The following HECW2 variants were observed in gnomAD, a reference collection of about 807,000 sequenced individuals.
The protein encoded by HECW2 is E3 ubiquitin-protein ligase HECW2.
In HECW2, 61 loss-of-function variants were observed where a neutral mutation model predicts 175.2. That is an observed-to-expected ratio of 0.35 (90% CI 0.28 to 0.43). The LOEUF is 0.43. HECW2 is among the 20% of genes least tolerant of loss of function. The probability of loss-of-function intolerance (pLI) is 1.00; values close to 1 mark genes in which losing one functional copy is unlikely to be tolerated. For missense variants in HECW2, 1,524 were observed against 2,000.5 expected, an observed-to-expected ratio of 0.76 and a Z score of 4.54; for synonymous variants, 671 against 731.0, an observed-to-expected ratio of 0.92 and a Z score of 1.32.
chr2:196,255,933 C>T (rs943577079), intron 18 of HECW2, among the ~76,000 whole-genome samples: 4 of 152,106 alleles, frequency 2.6e-5, no homozygotes, highest in Middle Eastern at 6.8e-3. Context: ...ATTAGCCGGG[C>T]GTGGTGGCTT....
chr2:196,433,821 ATT>A (rs113951876), intron 1 of HECW2, among the ~76,000 whole-genome samples: 1 of 152,262 alleles, frequency 6.6e-6, no homozygotes, highest in African/African-American at 2.4e-5. Flanking sequence ...CCACACACAT[ATT>A]TATTTGCTGC....
At chr2:196,372,145 G>A (rs1003670611) in intron 2 of HECW2, among the ~76,000 whole-genome samples, 1 of 152,104 alleles carries the variant, frequency 6.6e-6, no homozygotes, top group Non-Finnish European at 1.5e-5. Flanking sequence ...TCAAAAAGCA[G>A]GTCCTTTAAC....
chr2:196,456,577 T>C (rs1696522635), intron 1 of HECW2, among the ~76,000 whole-genome samples: 1 of 152,208 alleles, frequency 6.6e-6, no homozygotes, highest in African/African-American at 2.4e-5. Flanking sequence ...TGGTCACAGA[T>C]TGATTACTTG....
intron 13 of HECW2, among the ~76,000 whole-genome samples, chr2:196,295,383 T>C (rs1690771219): frequency 6.6e-6 from 1 of 152,190 alleles, no homozygotes; most frequent in Non-Finnish European, 1.5e-5. Flanking sequence ...GGCAACTGTT[T>C]TCTGCATTTG....
At chr2:196,512,122 G>C (rs1000061066) in intron 1 of HECW2, among the ~76,000 whole-genome samples, 53 of 152,174 alleles carry the variant, frequency 3.5e-4, no homozygotes, top group African/African-American at 1.1e-3. Context: ...AAAGACCTGT[G>C]GAGACCTGGA....
intron 2 of HECW2, among the ~76,000 whole-genome samples, chr2:196,412,365 A>G (rs1695137890): frequency 6.6e-6 from 1 of 152,184 alleles, no homozygotes; most frequent in Admixed American, 6.5e-5. Context: ...CACCCTAATG[A>G]CATCATTTAA....
intron 1 of HECW2, among the ~76,000 whole-genome samples, chr2:196,524,760 G>A (rs1169337101): frequency 8.2e-6 from 1 of 121,740 alleles, no homozygotes; most frequent in Non-Finnish European, 1.6e-5. Flanking sequence ...GGAGCAGGTT[G>A]TTCAGTTTCC....
At position 196,277,676 on chromosome 2, in the gene HECW2, C is replaced by T. The variant is rs986102682; in HGVS notation, c.3135+852G>A. Among the ~76,000 whole-genome samples the T allele has an allele frequency of 3.9e-5, 6 of 152,204 alleles. No homozygotes were observed. In the South Asian group the frequency reaches 8.3e-4, roughly 21 times the overall value. On this transcript the variant is annotated intron_variant, in intron 15 of 28. Coordinates refer to ENST00000644978, the MANE Select transcript of HECW2 (RefSeq NM_001348768.2). The stretch of plus-strand genomic sequence containing the variant: ...ATGCTGCTATAAAGACACATGCACA[C>T]GTATGTTTACTGTGGCACTACTCAC...
intron 1 of HECW2, among the ~76,000 whole-genome samples, chr2:196,515,812 C>T (rs1162448834): frequency 6.6e-6 from 1 of 152,086 alleles, no homozygotes; most frequent in African/African-American, 2.4e-5. Context: ...ACTGGTTTTG[C>T]TACTATGAGT....
intron 21 of HECW2, 53 bp downstream of exon 21, chr2:196,240,395 TC>T: frequency 7.7e-7 from 1 of 1,291,004 alleles, no homozygotes; most frequent in East Asian, 2.4e-5. Flanking sequence ...TGGAGAAACA[TC>T]CGCCTTGTGG....
chr2:196,215,284 T>G (rs944172660), intron 28 of HECW2, among the ~76,000 whole-genome samples: 1 of 152,248 alleles, frequency 6.6e-6, no homozygotes, highest in Non-Finnish European at 1.5e-5. Context: ...CATATGTGCA[T>G]GAACACCCAA....
chr2:196,458,881 A>ACAACAAC (rs57170833), intron 1 of HECW2, among the ~76,000 whole-genome samples: 1,635 of 152,306 alleles, frequency 0.011, 33 homozygotes, highest in African/African-American at 0.037. Context: ...AACAACAACA[A>ACAACAAC]AAAAGATAAG....
chr2:196,552,781 G>A (rs1689647965), intron 1 of HECW2, among the ~76,000 whole-genome samples: 1 of 152,242 alleles, frequency 6.6e-6, no homozygotes, highest in South Asian at 2.1e-4. Context: ...TCCATGGAAA[G>A]GGTAGAGGCC....
chr2:196,433,091 T>G, intron 2 of HECW2, 41 bp downstream of exon 2: 3 of 1,533,754 alleles, frequency 2.0e-6, no homozygotes, highest in Non-Finnish European at 2.6e-6. Context: ...TAAAAACTTG[T>G]ATGCTCTGAG....
At chr2:196,207,095 T>A (rs1687096778) in intron 28 of HECW2, among the ~76,000 whole-genome samples, 1 of 152,220 alleles carries the variant, frequency 6.6e-6, no homozygotes, top group African/African-American at 2.4e-5. Flanking sequence ...GAGGCAAGGT[T>A]GGACCTGAGG....
chr2:196,472,769 G>A (rs1385858333), intron 1 of HECW2, among the ~76,000 whole-genome samples: 1 of 151,976 alleles, frequency 6.6e-6, no homozygotes, highest in Non-Finnish European at 1.5e-5. Context: ...TTACAGGCAT[G>A]CATCACCACA....
intron 13 of HECW2, among the ~76,000 whole-genome samples, chr2:196,300,519 C>T (rs1691004783): frequency 6.6e-6 from 1 of 152,166 alleles, no homozygotes; most frequent in Non-Finnish European, 1.5e-5. Context: ...ACACTGTTGT[C>T]TTTACTTGTT....
At chr2:196,270,871 T>C (rs958800210) in intron 17 of HECW2, among the ~76,000 whole-genome samples, 2 of 152,166 alleles carry the variant, frequency 1.3e-5, no homozygotes, top group Non-Finnish European at 2.9e-5. Flanking sequence ...AGTTTTTGTA[T>C]TTTTAGTAGA....
At chr2:196,359,879 G>T (rs1366888365) in intron 2 of HECW2, among the ~76,000 whole-genome samples, 1 of 152,332 alleles carries the variant, frequency 6.6e-6, no homozygotes, top group African/African-American at 2.4e-5. Context: ...AAGATAGGAG[G>T]ATTGCTTGAC....
Sources: gnomAD v4.1 joint callset for allele counts (sites outside exome capture counted in the v4.1 genomes callset) on GRCh38, gnomAD v4.1.1 for gene constraint, MANE v1.5 for transcripts, NCBI Gene and HGNC (gene_info 2026-07-23, HGNC 2026-07-21) for gene names.